The following TENM4 variants were observed in gnomAD, a reference collection of about 807,000 sequenced individuals.
TENM4 encodes the protein teneurin-4.
TENM4 carries 82 observed loss-of-function variants against 243.3 expected under a neutral mutation model. The ratio of observed to expected loss-of-function variants is 0.34; its 90% confidence interval spans 0.28 to 0.40. The LOEUF (loss-of-function observed/expected upper bound fraction) is 0.40, where lower values mean the gene tolerates loss of function less well. Ranked by LOEUF, TENM4 falls within the 10% of genes least tolerant of loss-of-function variation. The pLI is 1.00. For synonymous variants in TENM4, 1,412 were observed against 1,456.3 expected, an observed-to-expected ratio of 0.97 and a Z score of 0.69; for missense variants, 3,138 against 3,673.3, an observed-to-expected ratio of 0.85 and a Z score of 3.77.
chr11:79,279,878 C>T (rs1277384180), intron 2 of TENM4, among the ~76,000 whole-genome samples: 1 of 152,110 alleles, frequency 6.6e-6, no homozygotes, highest in Non-Finnish European at 1.5e-5. Flanking sequence ...GAGGTGTGAC[C>T]TTTGGGAGGT....
intron 23 of TENM4, among the ~76,000 whole-genome samples, chr11:78,724,390 C>T (rs1483576547): frequency 6.6e-6 from 1 of 152,190 alleles, no homozygotes; most frequent in Non-Finnish European, 1.5e-5. Context: ...CGGTGCCTGG[C>T]CTTTTAAATA....
At chr11:79,351,859 C>T (rs940392215) in intron 1 of TENM4, among the ~76,000 whole-genome samples, 4 of 152,138 alleles carry the variant, frequency 2.6e-5, no homozygotes, top group African/African-American at 7.2e-5. Context: ...ACTTGTGACT[C>T]AGTGCAACAG....
chr11:79,360,783 AAAGTG>A (rs1857575886), intron 1 of TENM4, among the ~76,000 whole-genome samples: 1 of 152,234 alleles, frequency 6.6e-6, no homozygotes. Flanking sequence ...CGATCATCTT[AAAGTG>A]AAGAGGGGAA....
chr11:79,383,999 C>T (rs562153794), intron 1 of TENM4, among the ~76,000 whole-genome samples: 1 of 152,262 alleles, frequency 6.6e-6, no homozygotes, highest in South Asian at 2.1e-4. Flanking sequence ...TAACCTGCCC[C>T]CCCTTCCTTT....
intron 6 of TENM4, among the ~76,000 whole-genome samples, chr11:78,913,596 TG>T (rs1856244600): frequency 9.0e-5 from 8 of 88,586 alleles, no homozygotes; most frequent in Non-Finnish European, 2.2e-4. Flanking sequence ...TGTGTGTGTG[TG>T]TGTGTGTGTG....
intron 1 of TENM4, among the ~76,000 whole-genome samples, chr11:79,421,714 A>C (rs559514524): frequency 7.2e-5 from 11 of 152,286 alleles, no homozygotes; most frequent in Admixed American, 6.5e-4. Flanking sequence ...TTAAAAAAAA[A>C]AAAAAACAGT....
chr11:79,030,691 A>G (rs1277731030), intron 6 of TENM4, among the ~76,000 whole-genome samples: 2 of 151,908 alleles, frequency 1.3e-5, no homozygotes, highest in Non-Finnish European at 2.9e-5. Flanking sequence ...TCCTTCCACA[A>G]TCCCCAGGAA....
intron 1 of TENM4, among the ~76,000 whole-genome samples, chr11:79,373,330 C>A (rs11237810): frequency 0.015 from 1,476 of 96,148 alleles, 10 homozygotes; most frequent in South Asian, 0.026. Context: ...GGCTGGCTGG[C>A]TGGATGGATG....
intron 2 of TENM4, among the ~76,000 whole-genome samples, chr11:79,249,265 TG>T (rs1393472540): frequency 3.3e-5 from 5 of 152,236 alleles, no homozygotes; most frequent in African/African-American, 1.2e-4. Flanking sequence ...GTGAGGAAAC[TG>T]AGGCACAGAA....
chr11:79,425,794 C>A lies in TENM4; in HGVS notation c.-321+14715G>T, dbSNP rs192177528. On this transcript the variant is annotated intron_variant, in intron 1 of 33. Transcript: ENST00000278550. ...CTGCCTGCCTGCCTGCCTCTGGGGT[C>A]CACTTCTGAACAAGTGAATTTAATT... is the stretch of plus-strand genomic sequence containing the variant. Among the ~76,000 whole-genome samples the A allele has an allele frequency of 1.5e-3, 230 of 152,224 alleles. 2 individuals carry two copies. The highest frequency in any genetic ancestry group is 3.7e-3 in the Admixed American group (56 of 15,296).
intron 6 of TENM4, among the ~76,000 whole-genome samples, chr11:78,961,001 G>C (rs1423347910): frequency 6.6e-6 from 1 of 152,238 alleles, no homozygotes; most frequent in Non-Finnish European, 1.5e-5. Context: ...GACCCTTGAA[G>C]AAATAAGCCT....
At chr11:79,167,619 A>G (rs1030283478) in intron 3 of TENM4, among the ~76,000 whole-genome samples, 3 of 152,208 alleles carry the variant, frequency 2.0e-5, no homozygotes, top group Non-Finnish European at 4.4e-5. Flanking sequence ...TCGTGTATTT[A>G]GAAAGGTCCA....
intron 32 of TENM4, 136 bp downstream of exon 32, chr11:78,668,801 C>CTT (rs1376687078): frequency 2.6e-6 from 3 of 1,161,168 alleles, no homozygotes; most frequent in Non-Finnish European, 2.4e-6. Context: ...TTCAAACGGA[C>CTT]TTTGGAAAAT....
intron 6 of TENM4, among the ~76,000 whole-genome samples, chr11:79,025,614 A>G (rs1859060068): frequency 6.6e-6 from 1 of 152,166 alleles, no homozygotes; most frequent in African/African-American, 2.4e-5. Context: ...GAGGAAACTG[A>G]GGTTGCAGAA....
intron 1 of TENM4, among the ~76,000 whole-genome samples, chr11:79,425,485 C>T (rs1859029074): frequency 6.9e-6 from 1 of 145,590 alleles, no homozygotes; most frequent in Non-Finnish European, 1.5e-5. Flanking sequence ...AGAGACTAGC[C>T]CTAAACTCCT....
At chr11:79,358,477 C>G (rs1339687280) in intron 1 of TENM4, among the ~76,000 whole-genome samples, 1 of 152,092 alleles carries the variant, frequency 6.6e-6, no homozygotes, top group Non-Finnish European at 1.5e-5. Context: ...GCTTATGTCA[C>G]CATGTGGGGA....
At chr11:79,086,009 C>T (rs1355984763) in intron 4 of TENM4, among the ~76,000 whole-genome samples, 1 of 152,172 alleles carries the variant, frequency 6.6e-6, no homozygotes. Flanking sequence ...TACTAAGTCA[C>T]CAGAACGACT....
chr11:78,909,129 T>C (rs1856126024), intron 6 of TENM4, among the ~76,000 whole-genome samples: 1 of 152,194 alleles, frequency 6.6e-6, no homozygotes, highest in Admixed American at 6.5e-5. Flanking sequence ...GTTGAATACA[T>C]AGAGATTGAG....
intron 6 of TENM4, among the ~76,000 whole-genome samples, chr11:79,011,072 G>A (rs551293133): frequency 6.6e-6 from 1 of 152,158 alleles, no homozygotes; most frequent in South Asian, 2.1e-4. Context: ...CCCTTCTCTA[G>A]TCATCCTTAT....
Sources: allele counts gnomAD v4.1 joint callset (sites outside exome capture counted in the v4.1 genomes callset), GRCh38; gene constraint gnomAD v4.1.1; transcripts MANE v1.5; gene names NCBI Gene and HGNC (gene_info 2026-07-23, HGNC 2026-07-21).